The following GFRA1 variants were observed in gnomAD, a reference collection of about 807,000 sequenced individuals.
The protein encoded by GFRA1 is GDNF family receptor alpha 1, also known as GDNF family receptor alpha-1.
A neutral mutation model predicts 51.6 loss-of-function variants in GFRA1; 16 were observed. The observed-to-expected ratio is 0.31, with a 90% CI of 0.21 to 0.47. The LOEUF (loss-of-function observed/expected upper bound fraction) is 0.47. Among genes scored for constraint, GFRA1 ranks in the 20% least tolerant of loss-of-function variants. The probability of loss-of-function intolerance (pLI) is 1.00; values close to 1 mark genes in which losing one functional copy is unlikely to be tolerated. For missense variants in GFRA1, 530 were observed against 594.3 expected (o/e 0.89, Z 1.13); for synonymous variants, 270 against 241.3 (o/e 1.12, Z -1.10).
chr10:116,106,087 G>C (rs996994922), intron 6 of GFRA1, among the ~76,000 whole-genome samples: 1 of 152,120 alleles, frequency 6.6e-6, no homozygotes, highest in African/African-American at 2.4e-5. Context: ...GGCCCTTGCT[G>C]GTTCTGAAAA....
chr10:116,131,394 T>G (rs1292102582), intron 5 of GFRA1, among the ~76,000 whole-genome samples: 1 of 152,162 alleles, frequency 6.6e-6, no homozygotes, highest in Non-Finnish European at 1.5e-5. Context: ...GGCCCAGAAA[T>G]TCTACTTTTA....
rs141352371 is a variant in GFRA1, at chr10:116,229,911, G to A, written c.419-18266C>T. ...CGTGTTGGAAAGGAGACTGCCCTGC[G>A]GTGTCATGTATTCCTACCAGGCACC... is the stretch of plus-strand genomic sequence containing the variant. On this transcript the variant is annotated intron_variant, in intron 4 of 10. Transcript: ENST00000355422. Among the ~76,000 whole-genome samples, 1,482 of 152,208 alleles carry A rather than the reference G, an allele frequency of 9.7e-3. 13 individuals carry two copies. The highest frequency in any genetic ancestry group is 0.015 in the Non-Finnish European group (1,032 of 68,016).
At chr10:116,178,663 C>G (rs1023007321) in intron 5 of GFRA1, among the ~76,000 whole-genome samples, 1 of 152,202 alleles carries the variant, frequency 6.6e-6, no homozygotes, top group African/African-American at 2.4e-5. Context: ...TGACTGGGGT[C>G]ACCCACGGTG....
intron 6 of GFRA1, among the ~76,000 whole-genome samples, chr10:116,105,890 C>G (rs2420231): frequency 6.6e-6 from 1 of 152,204 alleles, no homozygotes; most frequent in Non-Finnish European, 1.5e-5. Flanking sequence ...ACCTGAATTC[C>G]TAAAACCTGA....
At chr10:116,187,213 C>T (rs1962808239) in intron 5 of GFRA1, among the ~76,000 whole-genome samples, 1 of 152,210 alleles carries the variant, frequency 6.6e-6, no homozygotes, top group Admixed American at 6.5e-5. Flanking sequence ...CTTAACTCCT[C>T]CTGAATGCAA....
chr10:116,210,573 T>A (rs1965115105), intron 5 of GFRA1, among the ~76,000 whole-genome samples: 1 of 152,208 alleles, frequency 6.6e-6, no homozygotes, highest in South Asian at 2.1e-4. Flanking sequence ...TTTATAAAAG[T>A]AAGTCTATGA....
At chr10:116,163,174 CTAAGGAAAGAAAATACCA>C (rs1275385886) in intron 5 of GFRA1, among the ~76,000 whole-genome samples, 1 of 152,122 alleles carries the variant, frequency 6.6e-6, no homozygotes, top group Non-Finnish European at 1.5e-5. Flanking sequence ...TTCTCTGGCT[CTAAGGAAAGAAAATACCA>C]TAAAAATCTA....
chr10:116,104,873 G>T (rs1450351982), intron 6 of GFRA1, among the ~76,000 whole-genome samples: 1 of 152,174 alleles, frequency 6.6e-6, no homozygotes, highest in Non-Finnish European at 1.5e-5. Context: ...CCTTAGATCA[G>T]ATGTCCCTGA....
intron 4 of GFRA1, among the ~76,000 whole-genome samples, chr10:116,257,694 A>T (rs889893047): frequency 2.0e-5 from 3 of 152,188 alleles, no homozygotes; most frequent in Admixed American, 6.5e-5. Context: ...GAACTGTCTG[A>T]AATTGTTGCT....
chr10:116,196,018 C>A (rs986698874), intron 5 of GFRA1, among the ~76,000 whole-genome samples: 1 of 152,078 alleles, frequency 6.6e-6, no homozygotes, highest in African/African-American at 2.4e-5. Context: ...TAACACCTGG[C>A]CCTGTTCTAG....
At chr10:116,189,373 C>T (rs904938131) in intron 5 of GFRA1, among the ~76,000 whole-genome samples, 3 of 152,168 alleles carry the variant, frequency 2.0e-5, no homozygotes, top group African/African-American at 7.2e-5. Context: ...GTAACGTCCC[C>T]TGAGCCCCAG....
intron 5 of GFRA1, among the ~76,000 whole-genome samples, chr10:116,178,047 G>A (rs1961803906): frequency 6.6e-6 from 1 of 152,218 alleles, no homozygotes; most frequent in African/African-American, 2.4e-5. Flanking sequence ...CTTTCTCTGA[G>A]TATGCGCAGT....
rs1283769536 is a variant in GFRA1 at position 116,063,440 on chromosome 10, TATGA to T, written c.*954_*957del. 1 of 152,218 alleles carries T rather than the reference TATGA, an allele frequency of 6.6e-6. No homozygotes were observed. Among genetic ancestry groups the T allele is most frequent in the Non-Finnish European group, 1.5e-5 (1 of 68,032 alleles). 9.4% of individuals were successfully genotyped at this position (152,218 alleles called of 1,614,324 possible). ...AGTTCATATCAGAGCGAACACTACT[TATGA>T]GGGGAAAGAAGCTCTGTGTATTTTG... On this transcript the variant is annotated 3_prime_UTR_variant, in exon 11 of 11. Coordinates refer to ENST00000355422, the MANE Select transcript of GFRA1 (RefSeq NM_005264.8).
chr10:116,223,193 G>A (rs1032343716), intron 4 of GFRA1, among the ~76,000 whole-genome samples: 2 of 152,102 alleles, frequency 1.3e-5, no homozygotes, highest in African/African-American at 4.8e-5. Context: ...AGCACGGAAT[G>A]ACATCATCCA....
At chr10:116,221,014 G>T (rs1965886438) in intron 4 of GFRA1, among the ~76,000 whole-genome samples, 1 of 152,094 alleles carries the variant, frequency 6.6e-6, no homozygotes, top group Non-Finnish European at 1.5e-5. Context: ...TCTGTCCACT[G>T]TAGTCCCAAA....
chr10:116,158,913 T>C (rs1218938125), intron 5 of GFRA1, among the ~76,000 whole-genome samples: 2 of 152,038 alleles, frequency 1.3e-5, no homozygotes, highest in African/African-American at 2.4e-5. Flanking sequence ...ATGCACATGG[T>C]CCTCCCAATC....
At chr10:116,120,744 G>A (rs1957607635) in intron 6 of GFRA1, among the ~76,000 whole-genome samples, 1 of 152,240 alleles carries the variant, frequency 6.6e-6, no homozygotes. Context: ...AAAATGTCAT[G>A]CTTTGGAAAC....
At chr10:116,230,734 A>G (rs1033990848) in intron 4 of GFRA1, among the ~76,000 whole-genome samples, 3 of 152,150 alleles carry the variant, frequency 2.0e-5, no homozygotes, top group Admixed American at 1.3e-4. Flanking sequence ...ACACACACAC[A>G]CACACACACA....
chr10:116,252,114 A>T (rs1341668400), intron 4 of GFRA1, among the ~76,000 whole-genome samples: 1 of 151,906 alleles, frequency 6.6e-6, no homozygotes, highest in Non-Finnish European at 1.5e-5. Context: ...AGCCCACGTC[A>T]GAGTGCTAAT....
Sources: allele counts gnomAD v4.1 joint callset (sites outside exome capture counted in the v4.1 genomes callset), GRCh38; gene constraint gnomAD v4.1.1; transcripts MANE v1.5; gene names NCBI Gene and HGNC (gene_info 2026-07-23, HGNC 2026-07-21).